Variants in C20orf96 observed in about 807,000 individuals in gnomAD.
C20orf96 encodes uncharacterized protein C20orf96.
Under a neutral mutation model 52.6 loss-of-function variants are expected in C20orf96, and 57 were observed. That is an observed-to-expected ratio of 1.08 (90% CI 0.88 to 1.35). The LOEUF is 1.35. Ranked by LOEUF, C20orf96 falls within the 40% of genes most tolerant of loss-of-function variation. C20orf96 has a pLI of 0.00. For missense variants in C20orf96, 478 were observed against 443.6 expected (o/e 1.08, Z -0.70); for synonymous variants, 168 against 157.2 (o/e 1.07, Z -0.51).
At chr20:273,899 AAGGAAGGGAGGGAGGG>A (rs1377783964) in intron 10 of C20orf96, among the ~76,000 whole-genome samples, 14 of 59,028 alleles carry the variant, frequency 2.4e-4, no homozygotes, top group African/African-American at 8.1e-4. Context: ...GGAAGAAAGG[AAGGAAGGGAGGGAGGG>A]AGGGAGGGAG....
intron 10 of C20orf96, among the ~76,000 whole-genome samples, chr20:274,363 C>A (rs553564131): frequency 4.6e-5 from 7 of 152,226 alleles, no homozygotes; most frequent in African/African-American, 1.4e-4. Flanking sequence ...ACACAGGGAG[C>A]CCAGTCCCTT....
chr20:290,173 G>T, intron 2 of C20orf96, 86 bp downstream of exon 2: 2 of 1,062,796 alleles, frequency 1.9e-6, no homozygotes, highest in South Asian at 1.5e-5. Flanking sequence ...TATATCCGCG[G>T]AGCAGTCACG....
chr20:276,509 G>C, intron 9 of C20orf96: 1 of 985,456 alleles, frequency 1.0e-6, no homozygotes, highest in Non-Finnish European at 1.2e-6. Context: ...AAGGGGTAAA[G>C]ATGCACGGTG....
chr20:274,185 A>G (rs1242885592), intron 10 of C20orf96, among the ~76,000 whole-genome samples: 1 of 151,778 alleles, frequency 6.6e-6, no homozygotes, highest in Non-Finnish European at 1.5e-5. Flanking sequence ...ACAGTGTGCC[A>G]TTTCTACTTT....
intron 2 of C20orf96, 79 bp downstream of exon 2, chr20:290,180 C>T: frequency 8.5e-7 from 1 of 1,170,284 alleles, no homozygotes; most frequent in Non-Finnish European, 1.2e-6. Flanking sequence ...GCGGAGCAGT[C>T]ACGACCGTGA....
rs2012097193 is a variant in C20orf96, at chr20:278,365, T to G, written c.530A>C (p.Gln177Pro). Residue 177 changes from glutamine to proline, a missense_variant, in exon 6 of 11, where the codon CAG becomes CCG. Transcript: ENST00000360321. ...GCATTTCTTCTTTTCTTCCCACTCC[T>G]GAAGCTCAGATTTCAATTGCTGCAG... ...KRLQQLKSELQEWEEKKKCKM... is the reference protein window; with the variant it reads ...KRLQQLKSELPEWEEKKKCKM... The G allele has an allele frequency of 6.2e-7, 1 of 1,613,920 alleles. No individual in the cohort carries two copies. Among genetic ancestry groups the G allele is most frequent in the Non-Finnish European group, 8.5e-7 (1 of 1,179,936 alleles).
chr20:272,672 A>G (rs2011880174), intron 10 of C20orf96, among the ~76,000 whole-genome samples: 1 of 151,932 alleles, frequency 6.6e-6, no homozygotes, highest in Non-Finnish European at 1.5e-5. Context: ...AAACTTTTTG[A>G]CTGTGCCTAC....
chr20:275,142 T>C (rs910207198), intron 10 of C20orf96, among the ~76,000 whole-genome samples: 2 of 152,204 alleles, frequency 1.3e-5, no homozygotes, highest in African/African-American at 4.8e-5. Flanking sequence ...TGCAGTGGCA[T>C]GTACTCTACT....
chr20:274,647 C>T (rs896029457), intron 10 of C20orf96, among the ~76,000 whole-genome samples: 2 of 152,050 alleles, frequency 1.3e-5, no homozygotes, highest in Non-Finnish European at 2.9e-5. Flanking sequence ...GAGACCCTGG[C>T]ACCACCGCCT....
chr20:284,284 G>A (rs1057038633), intron 3 of C20orf96, among the ~76,000 whole-genome samples: 3 of 152,198 alleles, frequency 2.0e-5, no homozygotes, highest in Non-Finnish European at 4.4e-5. Flanking sequence ...CAATATGAGG[G>A]AGGGACAAGC....
chr20:277,517 G>C, intron 6 of C20orf96, 134 bp from the exon 7 acceptor site: 1 of 848,418 alleles, frequency 1.2e-6, no homozygotes, highest in Non-Finnish European at 1.9e-6. Flanking sequence ...GCTCACACAG[G>C]GCTGGGAGGT....
chr20:285,865 C>T (rs769316437), intron 3 of C20orf96, among the ~76,000 whole-genome samples: 12 of 152,120 alleles, frequency 7.9e-5, no homozygotes, highest in Admixed American at 2.0e-4. Context: ...TGAGCCACCG[C>T]GCCCGGCCAG....
chr20:272,277 C>A (rs1198254717), intron 10 of C20orf96, among the ~76,000 whole-genome samples: 1 of 152,162 alleles, frequency 6.6e-6, no homozygotes, highest in South Asian at 2.1e-4. Context: ...CTGAGGTCTA[C>A]ACTCATCTTG....
intron 3 of C20orf96, among the ~76,000 whole-genome samples, chr20:285,017 T>C (rs905948194): frequency 2.6e-5 from 4 of 152,158 alleles, no homozygotes; most frequent in East Asian, 1.9e-4. Context: ...TTCCTGAAGA[T>C]GAAAGAAGTT....
chr20:290,614 G>C lies in C20orf96; in HGVS notation c.-4C>G. ...ACTTTTGTAAGACATGCGCCATTGG[G>C]GAAAATGGAAGAGAAGTTGCGAGTC... On this transcript the variant is annotated 5_prime_UTR_variant, in exon 1 of 11. Coordinates refer to ENST00000360321, the MANE Select transcript of C20orf96 (RefSeq NM_153269.3). 6.2e-7 allele frequency: 1 copy of C among 1,603,326 alleles called. No individual in the cohort carries two copies. The highest frequency in any genetic ancestry group is 1.4e-5 in the African/African-American group (1 of 70,986).
At chr20:284,317 G>GA (rs2012327741) in intron 3 of C20orf96, among the ~76,000 whole-genome samples, 1 of 152,186 alleles carries the variant, frequency 6.6e-6, no homozygotes, top group African/African-American at 2.4e-5. Flanking sequence ...AGTAACTATG[G>GA]ACATGGACAG....
intron 3 of C20orf96, among the ~76,000 whole-genome samples, chr20:287,907 T>TGAAAAAAAAAA (rs2012427241): frequency 4.9e-5 from 1 of 20,280 alleles, no homozygotes; most frequent in African/African-American, 3.7e-4. Flanking sequence ...AGACTCCTTC[T>TGAAAAAAAAAA]CAAAAAAAAA....
chr20:286,110 G>C (rs2012378071), intron 3 of C20orf96, among the ~76,000 whole-genome samples: 2 of 152,162 alleles, frequency 1.3e-5, no homozygotes, highest in South Asian at 4.1e-4. Flanking sequence ...AGGAAGATTT[G>C]CAGTTTTAAT....
At position 283,919 on chromosome 20, in the gene C20orf96, G is replaced by C. The variant is rs763684520; in HGVS notation, c.306+44C>G. The C allele has an allele frequency of 3.7e-6, 5 of 1,366,670 alleles. No homozygotes were observed. The East Asian group carries it at 1.1e-4, about 31-fold the overall frequency. The allele number at this position is 1,366,670 out of a possible 1,614,324, so 84.7% of individuals were successfully genotyped here. A position where few individuals can be genotyped will look rare whatever the true frequency, so the allele number is the denominator to read the frequency against. On this transcript the variant is annotated intron_variant, in intron 4 of 10. Coordinates refer to ENST00000360321, the MANE Select transcript of C20orf96 (RefSeq NM_153269.3). The stretch of plus-strand genomic sequence containing the variant: ...CATGTTTGCTACAGCCATCATCCCC[G>C]TCCCTGTCCTGGGCCCAGTGTCCAG...
Sources: gnomAD v4.1 joint callset for allele counts (sites outside exome capture counted in the v4.1 genomes callset) on GRCh38, gnomAD v4.1.1 for gene constraint, MANE v1.5 for transcripts, NCBI Gene and HGNC (gene_info 2026-07-23, HGNC 2026-07-21) for gene names.